Variants in STXBP5L observed in about 807,000 individuals in gnomAD.
STXBP5L encodes the protein syntaxin binding protein 5L, also known as syntaxin-binding protein 5-like.
In STXBP5L, 65 loss-of-function variants were observed where a neutral mutation model predicts 144.5. The ratio of observed to expected loss-of-function variants is 0.45; its 90% CI spans 0.37 to 0.55. The LOEUF (loss-of-function observed/expected upper bound fraction) is 0.55, where lower values mean the gene tolerates loss of function less well. Ranked by LOEUF, STXBP5L falls within the 20% of genes least tolerant of loss-of-function variation. STXBP5L has a pLI of 0.00. For missense variants in STXBP5L, 1,298 were observed against 1,405.5 expected (o/e 0.92, Z 1.22); for synonymous variants, 505 against 469.6 (o/e 1.08, Z -0.97).
chr3:121,367,880 C>T (rs766600417), intron 20 of STXBP5L, among the ~76,000 whole-genome samples: 9 of 149,150 alleles, frequency 6.0e-5, no homozygotes, highest in Non-Finnish European at 1.2e-4. Context: ...CTGCCTTGGC[C>T]TCCCAAAGTG....
chr3:121,068,387 A>G (rs1428389539), intron 5 of STXBP5L, among the ~76,000 whole-genome samples: 1 of 152,046 alleles, frequency 6.6e-6, no homozygotes, highest in Non-Finnish European at 1.5e-5. Flanking sequence ...CCATATTTTT[A>G]TTTCAGTCTT....
rs529524831 is a variant in STXBP5L at position 121,113,863 on chromosome 3, G to A, written c.471-1062G>A. Among the ~76,000 whole-genome samples the A allele has an allele frequency of 1.8e-3, 272 of 151,476 alleles. 1 individual carries two copies. The highest frequency in any genetic ancestry group is 3.1e-3 in the Non-Finnish European group (208 of 67,834). On this transcript the variant is annotated intron_variant, in intron 5 of 26. Transcript: ENST00000471454. ...AATTTTTTGTATTTTTAGTAGAGTC[G>A]GGGTTTCACCATGTTGGCCAGGATG...
chr3:121,285,825 A>G (rs1015399662), intron 19 of STXBP5L, among the ~76,000 whole-genome samples: 1 of 152,084 alleles, frequency 6.6e-6, no homozygotes, highest in Non-Finnish European at 1.5e-5. Context: ...CCTCCCTTAG[A>G]GAGTTGTAGA....
At chr3:121,364,237 A>G (rs1560023736) in intron 20 of STXBP5L, among the ~76,000 whole-genome samples, 1 of 152,188 alleles carries the variant, frequency 6.6e-6, no homozygotes, top group Non-Finnish European at 1.5e-5. Context: ...TGGGCTCAGT[A>G]TCCTTGTCAA....
At chr3:121,008,827 G>T (rs549481165) in intron 3 of STXBP5L, among the ~76,000 whole-genome samples, 2 of 152,074 alleles carry the variant, frequency 1.3e-5, no homozygotes, top group Non-Finnish European at 2.9e-5. Context: ...TGAGATAGTG[G>T]TCCAGCACAA....
intron 20 of STXBP5L, among the ~76,000 whole-genome samples, chr3:121,367,608 T>TG (rs1219871195): frequency 4.5e-4 from 63 of 141,214 alleles, no homozygotes; most frequent in Admixed American, 1.8e-3. Flanking sequence ...TTTTTTTTTT[T>TG]TTTTTTTTTT....
At chr3:121,234,584 A>C (rs2049414366) in intron 12 of STXBP5L, among the ~76,000 whole-genome samples, 3 of 152,080 alleles carry the variant, frequency 2.0e-5, no homozygotes, top group Admixed American at 2.0e-4. Flanking sequence ...CTGTCTCCAC[A>C]TGGAGTCAGC....
In STXBP5L at chr3:121,362,612, G is replaced by T. The variant is rs564119703; in HGVS notation, c.2177-16104G>T. Among the ~76,000 whole-genome samples, 4 of 152,262 alleles carry T rather than the reference G, an allele frequency of 2.6e-5. No homozygotes were observed. The East Asian group carries it at 7.7e-4, about 29-fold the overall frequency. The stretch of plus-strand genomic sequence containing the variant: ...TTATTGTGAATGCTGCCTGGCCTGG[G>T]ACTCAGCCTTCACGGCAGTGAGTTA... On this transcript the variant is annotated intron_variant, in intron 20 of 26. Coordinates refer to ENST00000471454, the MANE Select transcript of STXBP5L (RefSeq NM_001308330.2).
chr3:121,317,909 GT>G (rs2043837841), intron 19 of STXBP5L, among the ~76,000 whole-genome samples: 1 of 151,988 alleles, frequency 6.6e-6, no homozygotes, highest in Non-Finnish European at 1.5e-5. Context: ...AGAATTTGTA[GT>G]TTTTAAAGAT....
At chr3:121,191,914 G>C (rs2047702787) in intron 9 of STXBP5L, among the ~76,000 whole-genome samples, 1 of 151,644 alleles carries the variant, frequency 6.6e-6, no homozygotes, top group African/African-American at 2.4e-5. Flanking sequence ...CTGGGACACA[G>C]GGTGGGGAAC....
intron 7 of STXBP5L, among the ~76,000 whole-genome samples, chr3:121,134,765 A>G (rs1371076570): frequency 6.7e-6 from 1 of 148,288 alleles, no homozygotes; most frequent in Non-Finnish European, 1.5e-5. Flanking sequence ...ATAGTATTCC[A>G]TAGTGTATAT....
intron 19 of STXBP5L, among the ~76,000 whole-genome samples, chr3:121,286,867 C>A (rs372787677): frequency 6.6e-6 from 1 of 151,250 alleles, no homozygotes; most frequent in East Asian, 1.9e-4. Flanking sequence ...GGAAACCTAA[C>A]AATCACACGC....
At chr3:121,347,140 G>A (rs1346994008) in intron 20 of STXBP5L, among the ~76,000 whole-genome samples, 7 of 152,154 alleles carry the variant, frequency 4.6e-5, no homozygotes, top group Non-Finnish European at 8.8e-5. Context: ...TAAGGTGTAA[G>A]GAAGGGATCT....
At chr3:120,956,543 G>C (rs1688687) in intron 3 of STXBP5L, among the ~76,000 whole-genome samples, 32,399 of 151,734 alleles carry the variant, frequency 0.21, 3,686 homozygotes, top group Non-Finnish European at 0.26. Context: ...ATTTCATTGT[G>C]TGTATATATC....
Position 121,254,918 on chromosome 3 carries a change from C to T in STXBP5L, c.1465C>T (p.Leu489=), listed in dbSNP as rs1287060943. The T allele has an allele frequency of 6.2e-7, 1 of 1,612,846 alleles. No individual in the cohort carries two copies. The highest frequency in any genetic ancestry group is 1.7e-5 in the Admixed American group (1 of 59,912). Reference sequence around the variant, plus strand: ...AGTAACTCTGCAGATGCTGTACAAGCTAAAAACTTCAAAAGTGTTTGAAAA... The same window carrying T: ...AGTAACTCTGCAGATGCTGTACAAGTTAAAAACTTCAAAAGTGTTTGAAAA... The part of the protein sequence containing the change: ...SAITLQMLYK[L]KTSKVFEKQK... The change falls in exon 16 of 27, where the codon CTA becomes TTA. Residue 489 remains leucine (L), a synonymous_variant. Coordinates refer to ENST00000471454, the MANE Select transcript of STXBP5L (RefSeq NM_001308330.2).
chr3:121,139,581 T>C (rs2045408578), intron 7 of STXBP5L, among the ~76,000 whole-genome samples: 2 of 152,030 alleles, frequency 1.3e-5, no homozygotes, highest in Middle Eastern at 3.2e-3. Flanking sequence ...ATAATAAATA[T>C]CTACTTACCT....
chr3:120,993,321 C>A (rs1255977297), intron 3 of STXBP5L, among the ~76,000 whole-genome samples: 3 of 152,020 alleles, frequency 2.0e-5, no homozygotes, highest in Non-Finnish European at 4.4e-5. Context: ...TTAATACCAT[C>A]TTATTTGTCT....
intron 20 of STXBP5L, among the ~76,000 whole-genome samples, chr3:121,329,949 A>G (rs1461695216): frequency 6.6e-6 from 1 of 152,222 alleles, no homozygotes; most frequent in African/African-American, 2.4e-5. Context: ...ATTTAATGTA[A>G]GACAATTGCT....
chr3:121,104,092 T>C (rs2043567329), intron 5 of STXBP5L, among the ~76,000 whole-genome samples: 1 of 152,210 alleles, frequency 6.6e-6, no homozygotes, highest in African/African-American at 2.4e-5. Context: ...GTAAATCTTC[T>C]ATATGTCAAT....
Sources: gnomAD v4.1 joint callset for allele counts (sites outside exome capture counted in the v4.1 genomes callset) on GRCh38, gnomAD v4.1.1 for gene constraint, MANE v1.5 for transcripts, NCBI Gene and HGNC (gene_info 2026-07-23, HGNC 2026-07-21) for gene names.